Variants in STEAP3 observed in about 807,000 individuals in gnomAD.
The protein encoded by STEAP3 is metalloreductase STEAP3.
A neutral mutation model predicts 34.9 loss-of-function variants in STEAP3; 35 were observed. That is an observed-to-expected ratio of 1.00 (90% CI 0.76 to 1.33). STEAP3 has a LOEUF of 1.33. STEAP3 is among the 40% of genes most tolerant of loss of function. The pLI, the probability that STEAP3 is intolerant of heterozygous loss-of-function variation, is 0.00. For synonymous variants in STEAP3, 281 were observed against 301.6 expected (o/e 0.93, Z 0.71); for missense variants, 652 against 667.6 (o/e 0.98, Z 0.26).
intron 2 of STEAP3, among the ~76,000 whole-genome samples, chr2:119,236,748 G>A (rs1040350800): frequency 6.6e-6 from 1 of 152,192 alleles, no homozygotes; most frequent in African/African-American, 2.4e-5. Context: ...GTGAGCAGCA[G>A]ACGGTGCCTC....
intron 1 of STEAP3, among the ~76,000 whole-genome samples, chr2:119,229,872 G>A (rs756179384): frequency 8.5e-5 from 13 of 152,128 alleles, no homozygotes; most frequent in Non-Finnish European, 1.3e-4. Flanking sequence ...CTACAGGCCT[G>A]TGTTAGACTC....
chr2:119,225,343 C>T (rs1679005620), intron 1 of STEAP3, among the ~76,000 whole-genome samples: 1 of 152,192 alleles, frequency 6.6e-6, no homozygotes, highest in Non-Finnish European at 1.5e-5. Context: ...TTAAATGGAG[C>T]AGGTGGCCTC....
At chr2:119,259,188 C>T (rs904099239) in intron 5 of STEAP3, among the ~76,000 whole-genome samples, 1 of 152,192 alleles carries the variant, frequency 6.6e-6, no homozygotes, top group Non-Finnish European at 1.5e-5. Context: ...GAGCAATTGT[C>T]CAAAGCCCCT....
chr2:119,254,684 G>T lies in STEAP3; in HGVS notation c.1051G>T (p.Val351Phe). The T allele has an allele frequency of 6.2e-7, 1 of 1,614,086 alleles. No homozygotes were observed. Residue 351 changes from valine to phenylalanine, a missense_variant and splice_region_variant, in exon 5 of 6, where the codon GTC becomes TTC. By Grantham distance (50) the Val-to-Phe change is conservative. Transcript: ENST00000393110. The stretch of plus-strand genomic sequence containing the variant: ...ATGGTTTTCCTTCCATCCATGTCAG[G>T]TCTTGGCCAACAAGAGCCACCTCTG... ...YDLVNLAVKQ[V>F]LANKSHLWVE...
chr2:119,253,252 C>T (rs1450973392), intron 4 of STEAP3, among the ~76,000 whole-genome samples: 1 of 152,188 alleles, frequency 6.6e-6, no homozygotes. Context: ...AGGCTGGGTC[C>T]CTAGACTCCT....
chr2:119,245,571 C>A lies in STEAP3; in HGVS notation c.105C>A (p.Pro35=), dbSNP rs1573558431. ...GCGATAGTAGCCTTGCCAAGGTCCC[C>A]GATGAGGCCCCCAAAGTGGGCATCC... ...VDSDSSLAKV[P]DEAPKVGILG... Residue 35 remains proline (P), a synonymous_variant, in exon 3 of 6, where the codon CCC becomes CCA. Transcript: ENST00000393110. The A allele has an allele frequency of 1.2e-6, 2 of 1,605,946 alleles. No individual in the cohort carries two copies. Among genetic ancestry groups the A allele is most frequent in the Admixed American group, 3.3e-5 (2 of 59,884 alleles).
chr2:119,227,757 G>A (rs1679086103), intron 1 of STEAP3, among the ~76,000 whole-genome samples: 1 of 152,132 alleles, frequency 6.6e-6, no homozygotes, highest in South Asian at 2.1e-4. Context: ...AGACAGCAGG[G>A]CTCCCAAAGC....
At chr2:119,262,920 A>T in intron 5 of STEAP3, 137 bp from the exon 6 acceptor site, 2 of 1,109,932 alleles carry the variant, frequency 1.8e-6, no homozygotes, top group South Asian at 2.9e-5. Context: ...GAGTGACAGG[A>T]CTGGGGTTCC....
intron 2 of STEAP3, among the ~76,000 whole-genome samples, chr2:119,231,443 A>C (rs894754920): frequency 3.3e-5 from 5 of 151,556 alleles, no homozygotes; most frequent in Non-Finnish European, 5.9e-5. Context: ...TGGGAATTGT[A>C]AATTTTTCTT....
chr2:119,248,303 T>A, intron 4 of STEAP3, 97 bp downstream of exon 4: 1 of 1,396,750 alleles, frequency 7.2e-7, no homozygotes, highest in Non-Finnish European at 9.6e-7. Context: ...TACCCACGGG[T>A]GCAGCCTTAC....
At chr2:119,242,713 C>G (rs550296696) in intron 2 of STEAP3, among the ~76,000 whole-genome samples, 1 of 152,234 alleles carries the variant, frequency 6.6e-6, no homozygotes, top group Non-Finnish European at 1.5e-5. Flanking sequence ...GACTTATTTA[C>G]TCCTACAACC....
chr2:119,242,213 G>C (rs1677266845), intron 2 of STEAP3, among the ~76,000 whole-genome samples: 1 of 152,202 alleles, frequency 6.6e-6, no homozygotes, highest in Non-Finnish European at 1.5e-5. Flanking sequence ...CTTCTGTCCA[G>C]AGGGTTCCTA....
chr2:119,242,405 G>A (rs1014876215), intron 2 of STEAP3, among the ~76,000 whole-genome samples: 10 of 152,118 alleles, frequency 6.6e-5, no homozygotes, highest in Admixed American at 1.3e-4. Context: ...TGGCCCTCCC[G>A]ACCACAGGAG....
intron 5 of STEAP3, among the ~76,000 whole-genome samples, chr2:119,256,005 C>T (rs747146844): frequency 3.3e-5 from 5 of 152,146 alleles, no homozygotes; most frequent in African/African-American, 7.2e-5. Flanking sequence ...TCAGTGTTGG[C>T]GGATTAACTC....
chr2:119,251,424 T>G (rs1278259370), intron 4 of STEAP3, among the ~76,000 whole-genome samples: 1 of 152,150 alleles, frequency 6.6e-6, no homozygotes, highest in Non-Finnish European at 1.5e-5. Context: ...CAATAACCGA[T>G]ATTTGTACAG....
At chr2:119,246,304 A>C in intron 3 of STEAP3, 2 of 322,612 alleles carry the variant, frequency 6.2e-6, no homozygotes, top group Non-Finnish European at 1.2e-5. Context: ...GCCAAGAAGG[A>C]GAGAGACTTG....
chr2:119,262,917 A>G, intron 5 of STEAP3, 140 bp from the exon 6 acceptor site: 1 of 1,071,068 alleles, frequency 9.3e-7, no homozygotes, highest in African/African-American at 1.6e-5. Context: ...AGAGAGTGAC[A>G]GGACTGGGGT....
chr2:119,229,147 G>C (rs1188514324), intron 1 of STEAP3, among the ~76,000 whole-genome samples: 2 of 152,158 alleles, frequency 1.3e-5, no homozygotes, highest in Non-Finnish European at 2.9e-5. Context: ...ATATTTGAAA[G>C]CACTGCCTGA....
intron 5 of STEAP3, 85 bp from the exon 6 acceptor site, chr2:119,262,972 C>T (rs1677986979): frequency 5.1e-6 from 8 of 1,553,726 alleles, no homozygotes; most frequent in South Asian, 2.4e-5. Context: ...CCTTCCCCTC[C>T]GCCAGGCCAG....
Sources: allele counts gnomAD v4.1 joint callset (sites outside exome capture counted in the v4.1 genomes callset), GRCh38; gene constraint gnomAD v4.1.1; transcripts MANE v1.5; gene names NCBI Gene and HGNC (gene_info 2026-07-23, HGNC 2026-07-21).